The following FSIP1 variants were observed in gnomAD, a reference collection of about 807,000 sequenced individuals.
FSIP1 encodes fibrous sheath-interacting protein 1.
In FSIP1, 65 loss-of-function variants were observed where a neutral mutation model predicts 60.9. The observed-to-expected ratio is 1.07, with a 90% confidence interval of 0.87 to 1.31. The LOEUF is 1.31. Ranked by LOEUF, FSIP1 falls within the 40% of genes most tolerant of loss-of-function variation. The probability of loss-of-function intolerance (pLI) is 0.00; values close to 1 mark genes in which losing one functional copy is unlikely to be tolerated. For missense variants in FSIP1, 675 were observed against 665.5 expected, an observed-to-expected ratio of 1.01 and a Z score of -0.16; for synonymous variants, 209 against 221.2, an observed-to-expected ratio of 0.94 and a Z score of 0.49.
At chr15:39,647,481 T>C (rs562417300) in intron 10 of FSIP1, among the ~76,000 whole-genome samples, 203 of 152,300 alleles carry the variant, frequency 1.3e-3, no homozygotes, top group African/African-American at 4.7e-3. Context: ...TATGAGACTC[T>C]GCCTTATGGT....
intron 1 of FSIP1, among the ~76,000 whole-genome samples, chr15:39,780,121 T>C (rs1012739208): frequency 6.6e-6 from 1 of 152,196 alleles, no homozygotes; most frequent in African/African-American, 2.4e-5. Flanking sequence ...GCAGGTCTCA[T>C]TTTTTTAGGC....
chr15:39,779,559 C>T (rs1045406744), intron 1 of FSIP1, among the ~76,000 whole-genome samples: 1 of 152,164 alleles, frequency 6.6e-6, no homozygotes, highest in East Asian at 1.9e-4. Context: ...CCCATTTTTG[C>T]TCTGTCTTTT....
chr15:39,765,360 C>T (rs375611954), intron 4 of FSIP1, among the ~76,000 whole-genome samples: 6 of 151,526 alleles, frequency 4.0e-5, no homozygotes, highest in African/African-American at 7.3e-5. Context: ...CCCACCTCAG[C>T]CTCCCAAGTA....
intron 10 of FSIP1, among the ~76,000 whole-genome samples, chr15:39,646,520 C>CAAAAAAAAAAAAAAAAA (rs71132108): frequency 1.5e-4 from 4 of 27,116 alleles, no homozygotes; most frequent in Admixed American, 1.4e-3. Flanking sequence ...CTCATCTCTA[C>CAAAAAAAAAAAAAAAAA]AAAAAAAAAA....
At position 39,626,062 on chromosome 15, in the gene FSIP1, T is replaced by C. The variant is rs77167231; in HGVS notation, c.1189-7817A>G. On this transcript the variant is annotated intron_variant, in intron 10 of 11. Coordinates refer to ENST00000350221, the MANE Select transcript of FSIP1 (RefSeq NM_152597.5). ...GTCAGTAGTCAAGGAGGCCATTAGC[T>C]ATTTAAATACCTTAACCTCCAATGG... Among the ~76,000 whole-genome samples, 735 of 152,312 alleles carry C rather than the reference T, an allele frequency of 4.8e-3. 4 individuals carry two copies. The highest frequency in any genetic ancestry group is 0.017 in the African/African-American group (697 of 41,572).
rs200066501 is a variant in FSIP1 at position 39,600,890 on chromosome 15, T to C, written c.1736A>G (p.Lys579Arg). The change falls in exon 12 of 12, where the codon AAA (lysine) becomes AGA (arginine). Residue 579 changes from lysine (K) to arginine (R), a missense_variant. By Grantham distance (26) the Lys-to-Arg change is conservative. Transcript: ENST00000350221. Reference protein sequence around the residue: ...QETKDAAEECKEP With the variant: ...QETKDAAEECREP ...CCAGCAAGTCCTTGATTAGGGTTCT[T>C]TACATTCTTCTGCTGCATCTTTAGT... 51 of 1,610,190 alleles carry C rather than the reference T, an allele frequency of 3.2e-5. No individual in the cohort carries two copies. The East Asian group carries it at 8.7e-4, about 28-fold the overall frequency.
chr15:39,625,932 G>A (rs996538290), intron 10 of FSIP1, among the ~76,000 whole-genome samples: 10 of 152,186 alleles, frequency 6.6e-5, no homozygotes, highest in Admixed American at 3.9e-4. Flanking sequence ...GCTATTATTA[G>A]TTATGAGTAT....
intron 6 of FSIP1, among the ~76,000 whole-genome samples, chr15:39,741,020 G>A (rs553356837): frequency 1.1e-4 from 17 of 151,912 alleles, no homozygotes; most frequent in African/African-American, 4.1e-4. Context: ...CATAGTTAAC[G>A]TATGAGTTAC....
intron 10 of FSIP1, among the ~76,000 whole-genome samples, chr15:39,706,646 A>G (rs1394095067): frequency 6.6e-6 from 1 of 152,258 alleles, no homozygotes; most frequent in Non-Finnish European, 1.5e-5. Context: ...ACAAAAGCAC[A>G]AGAATAATAT....
Position 39,770,597 on chromosome 15 carries a change from C to A in FSIP1, c.140G>T (p.Ser47Ile). Reference protein sequence around the residue: ...EPGSFKVDTASNLNSGKEDHS... With the variant: ...EPGSFKVDTAINLNSGKEDHS... Reference sequence around the variant, plus strand: ...GTCCTCTTTACCAGAGTTCAAGTTGCTTGCAGTATCGACCTAAAAATAATT... The same window carrying A: ...GTCCTCTTTACCAGAGTTCAAGTTGATTGCAGTATCGACCTAAAAATAATT... The change falls in exon 3 of 12, where the codon AGC (serine) becomes ATC (isoleucine). Residue 47 changes from serine to isoleucine, a missense_variant. By Grantham distance (142) the Ser-to-Ile change is moderately radical. Transcript: ENST00000350221. 1 of 1,512,700 alleles carries A rather than the reference C, an allele frequency of 6.6e-7. No homozygotes were observed. The highest frequency in any genetic ancestry group is 8.8e-7 in the Non-Finnish European group (1 of 1,132,740). 93.7% of individuals were successfully genotyped at this position (1,512,700 alleles called of 1,614,324 possible).
intron 11 of FSIP1, among the ~76,000 whole-genome samples, chr15:39,616,033 C>T (rs1339022357): frequency 1.3e-5 from 2 of 152,228 alleles, no homozygotes; most frequent in Middle Eastern, 3.4e-3. Context: ...TGTATACATA[C>T]ATCAAATCAT....
intron 5 of FSIP1, among the ~76,000 whole-genome samples, chr15:39,763,318 A>G (rs1485530372): frequency 6.6e-6 from 1 of 152,230 alleles, no homozygotes; most frequent in African/African-American, 2.4e-5. Flanking sequence ...ATGACTCCAT[A>G]ATATTTCTGT....
intron 10 of FSIP1, among the ~76,000 whole-genome samples, chr15:39,641,506 TA>T (rs2140420005): frequency 6.6e-6 from 1 of 152,358 alleles, no homozygotes; most frequent in South Asian, 2.1e-4. Flanking sequence ...TGACTATAAT[TA>T]ACAGGGTTTA....
At chr15:39,733,757 T>C (rs1896504887) in intron 8 of FSIP1, among the ~76,000 whole-genome samples, 1 of 152,104 alleles carries the variant, frequency 6.6e-6, no homozygotes, top group Non-Finnish European at 1.5e-5. Context: ...CCTCTTTCTG[T>C]CTGCTTGGAA....
intron 10 of FSIP1, among the ~76,000 whole-genome samples, chr15:39,657,576 T>C (rs935160809): frequency 2.0e-5 from 3 of 152,204 alleles, no homozygotes; most frequent in Admixed American, 6.5e-5. Flanking sequence ...GAGGCTTAAA[T>C]ATTATTTATA....
Position 39,770,438 on chromosome 15 carries a change from G to C in FSIP1, c.299C>G (p.Ser100Cys). ...DLDLVQHQIISECSDEPKLKE... is the reference protein window; with the variant it reads ...DLDLVQHQIICECSDEPKLKE... Reference sequence around the variant, plus strand: ...AGTGATTATCCTACCTGAACACTCAGAGATTATCTGATGTTGAACCAAATC... The same window carrying C: ...AGTGATTATCCTACCTGAACACTCACAGATTATCTGATGTTGAACCAAATC... Residue 100 changes from serine to cysteine, a missense_variant, in exon 3 of 12, where the codon TCT (serine) becomes TGT (cysteine). Coordinates refer to ENST00000350221, the MANE Select transcript of FSIP1 (RefSeq NM_152597.5). 1 of 1,598,164 alleles carries C rather than the reference G, an allele frequency of 6.3e-7. No homozygotes were observed. The highest frequency in any genetic ancestry group is 1.3e-5 in the African/African-American group (1 of 74,354).
chr15:39,636,957 C>A (rs972755391), intron 10 of FSIP1, among the ~76,000 whole-genome samples: 1 of 152,182 alleles, frequency 6.6e-6, no homozygotes, highest in African/African-American at 2.4e-5. Flanking sequence ...AGCCATCACA[C>A]CAGCCCAGTT....
rs139868439 is a variant in FSIP1 at position 39,736,967 on chromosome 15, A to C, written c.891+1124T>G. Among the ~76,000 whole-genome samples the C allele has an allele frequency of 4.5e-4, 68 of 152,232 alleles. 1 individual carries two copies. Among genetic ancestry groups the C allele is most frequent in the African/African-American group, 1.6e-3 (65 of 41,540 alleles). On this transcript the variant is annotated intron_variant, in intron 8 of 11. Coordinates refer to ENST00000350221, the MANE Select transcript of FSIP1 (RefSeq NM_152597.5). ...TTGGCTCAGGGAAATTCTCAGGGGA[A>C]GGGGACAGCTGTGCACCCTTAGCAC... is the stretch of plus-strand genomic sequence containing the variant.
At chr15:39,716,196 CT>C (rs148326840) in intron 9 of FSIP1, among the ~76,000 whole-genome samples, 2,235 of 152,234 alleles carry the variant, frequency 0.015, 42 homozygotes, top group African/African-American at 0.048. Flanking sequence ...ATTTTATAAA[CT>C]TTCATGAAGA....
Sources: gnomAD v4.1 joint callset for allele counts (sites outside exome capture counted in the v4.1 genomes callset) on GRCh38, gnomAD v4.1.1 for gene constraint, MANE v1.5 for transcripts, NCBI Gene and HGNC (gene_info 2026-07-23, HGNC 2026-07-21) for gene names.